The following CNTLN variants were observed in gnomAD, a reference collection of about 807,000 sequenced individuals.
The protein encoded by CNTLN is centlein, centrosomal protein.
CNTLN carries 212 observed loss-of-function variants against 180.0 expected under a neutral mutation model. The ratio of observed to expected loss-of-function variants is 1.18; its 90% CI spans 1.05 to 1.32. CNTLN has a LOEUF of 1.32. Ranked by LOEUF, CNTLN falls within the 40% of genes most tolerant of loss-of-function variation. CNTLN has a pLI of 0.00. For synonymous variants in CNTLN, 722 were observed against 563.1 expected (o/e 1.28, Z -3.99); for missense variants, 2,095 against 1,610.9 (o/e 1.30, Z -5.14).
rs1035295902 is a variant in CNTLN, at chr9:17,405,986, G to T, written c.2616-3307G>T. 5.9e-5 allele frequency among the ~76,000 whole-genome samples: 9 copies of T among 151,496 alleles called. 2 individuals are homozygous for T. Among genetic ancestry groups the T allele is most frequent in the Admixed American group, 2.6e-4 (4 of 15,164 alleles). On this transcript the variant is annotated intron_variant, in intron 15 of 25. Coordinates refer to ENST00000380647, the MANE Select transcript of CNTLN (RefSeq NM_017738.4). ...GATGGGGTTTCTCCATGTTGGTCAGGCTCTGAATTTTAGACATGTAAAGTT... is the reference window on the plus strand; with the variant it reads ...GATGGGGTTTCTCCATGTTGGTCAGTCTCTGAATTTTAGACATGTAAAGTT...
chr9:17,164,362 CA>C (rs199644135), intron 2 of CNTLN, among the ~76,000 whole-genome samples: 22,663 of 83,718 alleles, frequency 0.27, 2,128 homozygotes, highest in South Asian at 0.37. Context: ...TTCATTCTTT[CA>C]AAAAAAAAAA....
chr9:17,158,249 T>G (rs1371350280), intron 2 of CNTLN, among the ~76,000 whole-genome samples: 3 of 152,174 alleles, frequency 2.0e-5, no homozygotes, highest in African/African-American at 7.2e-5. Flanking sequence ...GGATAAATTC[T>G]TGGTCATGGT....
chr9:17,197,684 G>A (rs760675619), intron 2 of CNTLN, among the ~76,000 whole-genome samples: 5 of 152,122 alleles, frequency 3.3e-5, no homozygotes, highest in Non-Finnish European at 5.9e-5. Flanking sequence ...ATTCTGTGGC[G>A]TGTCTGCTCA....
At chr9:17,362,418 G>C (rs1823471289) in intron 12 of CNTLN, among the ~76,000 whole-genome samples, 1 of 151,990 alleles carries the variant, frequency 6.6e-6, no homozygotes, top group East Asian at 1.9e-4. Flanking sequence ...ATATATCATG[G>C]GATCCCAGTT....
intron 13 of CNTLN, among the ~76,000 whole-genome samples, chr9:17,370,725 A>C (rs1824246741): frequency 6.6e-6 from 1 of 152,220 alleles, no homozygotes; most frequent in Non-Finnish European, 1.5e-5. Context: ...TGAGCCAATC[A>C]AAAAATAACT....
At chr9:17,194,811 A>G (rs1218379019) in intron 2 of CNTLN, among the ~76,000 whole-genome samples, 5 of 152,348 alleles carry the variant, frequency 3.3e-5, no homozygotes, top group African/African-American at 9.6e-5. Context: ...GACTGGGAAG[A>G]AAAAGAAGTT....
At chr9:17,498,001 A>G (rs569924320) in intron 25 of CNTLN, among the ~76,000 whole-genome samples, 12 of 152,298 alleles carry the variant, frequency 7.9e-5, no homozygotes, top group African/African-American at 2.4e-4. Flanking sequence ...AAGAGCAGAT[A>G]TAATTCATAA....
chr9:17,217,042 C>G (rs1823807113), intron 2 of CNTLN, among the ~76,000 whole-genome samples: 1 of 152,206 alleles, frequency 6.6e-6, no homozygotes, highest in Admixed American at 6.5e-5. Flanking sequence ...TGGAACCACT[C>G]TAATGTTCAA....
rs141410231 is a variant in CNTLN, at chr9:17,454,765, A to G, written c.3115-2759A>G. Among the ~76,000 whole-genome samples, 404 of 152,306 alleles carry G rather than the reference A, an allele frequency of 2.7e-3. 2 individuals are homozygous for G. The highest frequency in any genetic ancestry group is 4.0e-3 in the Non-Finnish European group (272 of 68,022). On this transcript the variant is annotated intron_variant, in intron 18 of 25. Transcript: ENST00000380647. Reference sequence around the variant, plus strand: ...TCTTTTTAAATGAGGAAACAAAGCCATGTGTTTATGTAAGCTCACTCAGCT... The same window carrying G: ...TCTTTTTAAATGAGGAAACAAAGCCGTGTGTTTATGTAAGCTCACTCAGCT...
Position 17,409,482 on chromosome 9 carries a change from C to A in CNTLN, c.2796+9C>A, listed in dbSNP as rs201011027. 1.7e-5 allele frequency: 26 copies of A among 1,573,228 alleles called. No homozygotes were observed. Among genetic ancestry groups the A allele is most frequent in the Non-Finnish European group, 2.2e-5 (26 of 1,164,362 alleles). Reference sequence around the variant, plus strand: ...ATGGCAAGACCCCAAAGGTAAATGACATGATTTTGCTTAATTGTATGCTAT... The same window carrying A: ...ATGGCAAGACCCCAAAGGTAAATGAAATGATTTTGCTTAATTGTATGCTAT... On this transcript the variant is annotated intron_variant, in intron 16 of 25. Coordinates refer to ENST00000380647, the MANE Select transcript of CNTLN (RefSeq NM_017738.4).
At chr9:17,390,914 A>T (rs537757424) in intron 14 of CNTLN, among the ~76,000 whole-genome samples, 2 of 152,306 alleles carry the variant, frequency 1.3e-5, no homozygotes, top group South Asian at 4.1e-4. Context: ...AGACATCTTC[A>T]GTTGGTATGT....
At chr9:17,268,661 G>C (rs780116468) in intron 5 of CNTLN, among the ~76,000 whole-genome samples, 1 of 152,154 alleles carries the variant, frequency 6.6e-6, no homozygotes, top group South Asian at 2.1e-4. Context: ...GAGGCAGGCA[G>C]GCCTCCTTGA....
chr9:17,409,301 C>G lies in CNTLN; in HGVS notation c.2624C>G (p.Ser875Cys), dbSNP rs375484201. The part of the protein sequence containing the change: ...WEDVSESSSD[S>C]EAQTSQTLGT... ...TACTTTTTTCTAAAAAGCAGTGATTCTGAAGCACAGACCTCTCAAACTTTG... is the reference window on the plus strand; with the variant it reads ...TACTTTTTTCTAAAAAGCAGTGATTGTGAAGCACAGACCTCTCAAACTTTG... The change falls in exon 16 of 26, where the codon TCT (serine) becomes TGT (cysteine). Residue 875 changes from serine to cysteine, a missense_variant. Ser to Cys is a moderately radical substitution (Grantham distance 112). Coordinates refer to ENST00000380647, the MANE Select transcript of CNTLN (RefSeq NM_017738.4). The G allele has an allele frequency of 2.0e-5, 32 of 1,609,274 alleles. No homozygotes were observed. The highest frequency in any genetic ancestry group is 2.6e-5 in the Non-Finnish European group (31 of 1,178,776).
At chr9:17,145,613 G>A (rs747333715) in intron 2 of CNTLN, among the ~76,000 whole-genome samples, 1 of 151,978 alleles carries the variant, frequency 6.6e-6, no homozygotes, top group Non-Finnish European at 1.5e-5. Flanking sequence ...GAATGTCTAC[G>A]TCCTTTGTCA....
intron 10 of CNTLN, among the ~76,000 whole-genome samples, chr9:17,339,464 C>T (rs1039689867): frequency 6.6e-6 from 1 of 152,180 alleles, no homozygotes; most frequent in African/African-American, 2.4e-5. Flanking sequence ...ATTTAAACCT[C>T]TTTTTTCTCT....
chr9:17,199,992 T>C (rs1383693639), intron 2 of CNTLN, among the ~76,000 whole-genome samples: 1 of 152,224 alleles, frequency 6.6e-6, no homozygotes, highest in East Asian at 1.9e-4. Context: ...AAGTTCTTAA[T>C]CCATCCTGAG....
At chr9:17,252,650 G>A (rs892793603) in intron 5 of CNTLN, among the ~76,000 whole-genome samples, 1 of 151,708 alleles carries the variant, frequency 6.6e-6, no homozygotes, top group African/African-American at 2.4e-5. Flanking sequence ...TGTTGACTGA[G>A]TAATCTGCAA....
chr9:17,301,913 CATT>C (rs1456657150), intron 7 of CNTLN: 1 of 925,530 alleles, frequency 1.1e-6, no homozygotes, highest in Non-Finnish European at 1.3e-6. Flanking sequence ...TTCACTTTAA[CATT>C]ATATTTTAAA....
intron 5 of CNTLN, among the ~76,000 whole-genome samples, chr9:17,237,787 TA>T (rs1479409951): frequency 2.0e-5 from 3 of 151,720 alleles, no homozygotes; most frequent in Admixed American, 6.6e-5. Flanking sequence ...ATATTTAAGT[TA>T]GGGGAGAAGG....
Sources: allele counts gnomAD v4.1 joint callset (sites outside exome capture counted in the v4.1 genomes callset), GRCh38; gene constraint gnomAD v4.1.1; transcripts MANE v1.5; gene names NCBI Gene and HGNC (gene_info 2026-07-23, HGNC 2026-07-21).